ANKS1A: variants seen among roughly 807,000 people sequenced by gnomAD.
ANKS1A encodes ankyrin repeat and SAM domain-containing protein 1A.
A neutral mutation model predicts 120.3 loss-of-function variants in ANKS1A; 55 were observed. That is an observed-to-expected ratio of 0.46 (90% CI 0.37 to 0.57). The LOEUF is 0.57. Among genes scored for constraint, ANKS1A ranks in the 20% least tolerant of loss-of-function variants. The pLI is 0.00. For synonymous variants in ANKS1A, 590 were observed against 604.7 expected, an observed-to-expected ratio of 0.98 and a Z score of 0.36; for missense variants, 1,123 against 1,480.3, an observed-to-expected ratio of 0.76 and a Z score of 3.96.
At chr6:35,029,082 G>T (rs1760352717) in intron 11 of ANKS1A, among the ~76,000 whole-genome samples, 1 of 151,622 alleles carries the variant, frequency 6.6e-6, no homozygotes, top group African/African-American at 2.4e-5. Flanking sequence ...TTTAAAGTGT[G>T]TTTCTTATTA....
chr6:34,945,963 CTTTATT>C (rs1240412324), intron 1 of ANKS1A, among the ~76,000 whole-genome samples: 24 of 150,160 alleles, frequency 1.6e-4, no homozygotes, highest in Non-Finnish European at 1.3e-4. Flanking sequence ...CTCCTCCTCT[CTTTATT>C]TTTATTTTTA....
intron 10 of ANKS1A, among the ~76,000 whole-genome samples, chr6:35,011,265 G>C (rs1419597317): frequency 6.6e-6 from 1 of 152,206 alleles, no homozygotes; most frequent in Admixed American, 6.5e-5. Flanking sequence ...CCAGCAACTG[G>C]AGAAGAGAAA....
At position 35,079,886 on chromosome 6, in the gene ANKS1A, C is replaced by T. The variant is rs138086834; in HGVS notation, c.2502C>T (p.Tyr834=). ...RIIASLADRP[Y]EEPPQKPPRF... ...TCGCCTCCCTCGCAGACAGACCGTA[C>T]GAGGAGCCGCCCCAGAAGCCCCCCA... The change falls in exon 16 of 24, where the codon TAC becomes TAT. Residue 834 remains tyrosine, a synonymous_variant. Coordinates refer to ENST00000360359, the MANE Select transcript of ANKS1A (RefSeq NM_015245.3). 23 of 1,561,962 alleles carry T rather than the reference C, an allele frequency of 1.5e-5. No homozygotes were observed. In the Middle Eastern group the frequency reaches 5.3e-4, roughly 36 times the overall value.
chr6:35,081,444 GCT>G (rs1777672091), intron 17 of ANKS1A, among the ~76,000 whole-genome samples: 1 of 152,224 alleles, frequency 6.6e-6, no homozygotes, highest in South Asian at 2.1e-4. Context: ...TCCCCTGTCC[GCT>G]CTTTCTCTGT....
chr6:34,976,353 C>T lies in ANKS1A; in HGVS notation c.436-5337C>T, dbSNP rs1477965671. Among the ~76,000 whole-genome samples, 13 of 152,000 alleles carry T rather than the reference C, an allele frequency of 8.6e-5. No homozygotes were observed. The East Asian group carries it at 2.5e-3, about 29-fold the overall frequency. On this transcript the variant is annotated intron_variant, in intron 3 of 23. Coordinates refer to ENST00000360359, the MANE Select transcript of ANKS1A (RefSeq NM_015245.3). ...TAGGAGCTTTCATGTTCTTTTTTGA[C>T]ATTTGGGGCCTTTTTCAACAAGTCG...
intron 1 of ANKS1A, among the ~76,000 whole-genome samples, chr6:34,916,148 A>G (rs1250523532): frequency 3.3e-5 from 5 of 151,922 alleles, no homozygotes; most frequent in African/African-American, 1.2e-4. Context: ...GCATGCCACT[A>G]GGCCTGGCTA....
At chr6:34,920,842 T>C (rs1346380735) in intron 1 of ANKS1A, among the ~76,000 whole-genome samples, 1 of 152,232 alleles carries the variant, frequency 6.6e-6, no homozygotes, top group Non-Finnish European at 1.5e-5. Context: ...TGCTGAGCAC[T>C]TGTTGGCTGA....
At chr6:35,019,742 T>G (rs1774229550) in intron 11 of ANKS1A, among the ~76,000 whole-genome samples, 1 of 151,968 alleles carries the variant, frequency 6.6e-6, no homozygotes, top group Admixed American at 6.6e-5. Flanking sequence ...CAAGATAAAT[T>G]TAAGAGGAAG....
intron 16 of ANKS1A, among the ~76,000 whole-genome samples, chr6:35,080,379 G>A (rs1490084189): frequency 6.6e-6 from 1 of 152,192 alleles, no homozygotes; most frequent in Admixed American, 6.5e-5. Flanking sequence ...ACAGAAACGG[G>A]TTAGACTCAG....
Position 35,089,197 on chromosome 6 carries a change from T to G in ANKS1A, c.*588T>G. 1.0e-6 allele frequency: 1 copy of G among 996,062 alleles called. No individual in the cohort carries two copies. 61.7% of individuals were successfully genotyped at this position (996,062 alleles called of 1,614,324 possible). On this transcript the variant is annotated 3_prime_UTR_variant, in exon 24 of 24. Transcript: ENST00000360359. ...TGAACTGCCCAACTTCCTGTCCCTT[T>G]CAGGGGCTAGACACAGGCTTCTCGT...
chr6:34,988,619 G>A (rs772283574), intron 8 of ANKS1A, among the ~76,000 whole-genome samples: 2 of 152,096 alleles, frequency 1.3e-5, no homozygotes, highest in Non-Finnish European at 2.9e-5. Context: ...TTTCAAATGG[G>A]TTTAGATGAA....
At chr6:35,006,492 C>G (rs958654310) in intron 10 of ANKS1A, among the ~76,000 whole-genome samples, 1 of 151,566 alleles carries the variant, frequency 6.6e-6, no homozygotes, top group African/African-American at 2.4e-5. Flanking sequence ...TGGTGGCTCA[C>G]GCCTGTAATC....
the ANKS1A span, among the ~76,000 whole-genome samples, chr6:35,097,236 T>A: frequency 2.2e-5 from 1 of 45,314 alleles, no homozygotes; most frequent in Admixed American, 2.2e-4. Flanking sequence ...AAAAGTTAGG[T>A]TCTCAGGGCC....
intron 9 of ANKS1A, among the ~76,000 whole-genome samples, chr6:34,993,420 T>A (rs753176760): frequency 1.3e-5 from 2 of 152,126 alleles, no homozygotes; most frequent in Non-Finnish European, 2.9e-5. Flanking sequence ...CCAGCTCTGG[T>A]TCCGTTATTT....
At chr6:35,020,106 G>A (rs987287741) in intron 11 of ANKS1A, among the ~76,000 whole-genome samples, 3 of 151,990 alleles carry the variant, frequency 2.0e-5, no homozygotes, top group Non-Finnish European at 4.4e-5. Context: ...AGTAGAAAGC[G>A]AGATTTGCAC....
chr6:35,071,910 G>T (rs1051168609), intron 13 of ANKS1A, among the ~76,000 whole-genome samples: 1 of 152,204 alleles, frequency 6.6e-6, no homozygotes, highest in Non-Finnish European at 1.5e-5. Flanking sequence ...GGCCCAGGCC[G>T]GCCCCTCCCC....
Position 35,057,830 on chromosome 6 carries a change from G to C in ANKS1A, c.2078-2317G>C, listed in dbSNP as rs1363327854. 1.3e-5 allele frequency among the ~76,000 whole-genome samples: 2 copies of C among 152,236 alleles called. No individual in the cohort carries two copies. The highest frequency in any genetic ancestry group is 4.8e-5 in the African/African-American group (2 of 41,458). On this transcript the variant is annotated intron_variant, in intron 12 of 23. Coordinates refer to ENST00000360359, the MANE Select transcript of ANKS1A (RefSeq NM_015245.3). This position sits in a 1 kb window ranked among gnomAD's most constrained non-coding sequence, Gnocchi z 4.1. ...CATTCGTAAAGTGGCAAGTAGGGGG[G>C]TCACTTACCTGTGGGCTATGCCCTT...
intron 1 of ANKS1A, among the ~76,000 whole-genome samples, chr6:34,905,065 C>A (rs983856300): frequency 6.6e-6 from 1 of 152,224 alleles, no homozygotes; most frequent in Non-Finnish European, 1.5e-5. Flanking sequence ...CCTGCCTTAG[C>A]CTCCCAAAGT....
chr6:34,903,470 A>G (rs1279420367), intron 1 of ANKS1A, among the ~76,000 whole-genome samples: 1 of 150,774 alleles, frequency 6.6e-6, no homozygotes, highest in Non-Finnish European at 1.5e-5. Context: ...GACTACAGGC[A>G]TGCACCACCA....
Sources: allele counts gnomAD v4.1 joint callset (sites outside exome capture counted in the v4.1 genomes callset), GRCh38; gene constraint gnomAD v4.1.1; non-coding constraint Gnocchi (gnomAD v3.1); transcripts MANE v1.5; gene names NCBI Gene and HGNC (gene_info 2026-07-23, HGNC 2026-07-21).